CSMD3: variants seen among roughly 807,000 people sequenced by gnomAD.
CSMD3 encodes CUB and sushi domain-containing protein 3.
Under a neutral mutation model 435.2 loss-of-function variants are expected in CSMD3, and 177 were observed. The observed-to-expected ratio is 0.41, with a 90% CI of 0.36 to 0.46. The LOEUF (loss-of-function observed/expected upper bound fraction) is 0.46. Ranked by LOEUF, CSMD3 falls within the 20% of genes least tolerant of loss-of-function variation. CSMD3 has a pLI of 0.34. For synonymous variants in CSMD3, 1,656 were observed against 1,520.5 expected (o/e 1.09, Z -2.07); for missense variants, 4,265 against 4,504.6 (o/e 0.95, Z 1.52).
At chr8:112,464,286 C>G (rs1817740655) in intron 32 of CSMD3, among the ~76,000 whole-genome samples, 1 of 151,090 alleles carries the variant, frequency 6.6e-6, no homozygotes, top group Admixed American at 6.6e-5. Flanking sequence ...CTATCCAGGT[C>G]TCTGTTGTAA....
chr8:112,841,639 T>C (rs1348945075), intron 11 of CSMD3, among the ~76,000 whole-genome samples: 2 of 151,814 alleles, frequency 1.3e-5, no homozygotes, highest in African/African-American at 4.8e-5. Flanking sequence ...TCCCAGGTAA[T>C]GTCTAGCTAA....
At chr8:112,343,345 A>G (rs1330671821) in intron 41 of CSMD3, among the ~76,000 whole-genome samples, 1 of 152,068 alleles carries the variant, frequency 6.6e-6, no homozygotes, top group Non-Finnish European at 1.5e-5. Context: ...CATTTACATC[A>G]GTATTCTATC....
chr8:113,292,209 TG>T (rs1324493856), intron 2 of CSMD3, among the ~76,000 whole-genome samples: 7 of 151,626 alleles, frequency 4.6e-5, no homozygotes, highest in Admixed American at 4.6e-4. Flanking sequence ...TATTCTTACA[TG>T]GTGTGTAGTT....
intron 1 of CSMD3, among the ~76,000 whole-genome samples, chr8:113,415,454 G>A (rs902588797): frequency 7.2e-5 from 11 of 152,228 alleles, no homozygotes; most frequent in East Asian, 1.9e-4. Flanking sequence ...AGAAAAAAAC[G>A]CAAAGCAGAT....
intron 1 of CSMD3, among the ~76,000 whole-genome samples, chr8:113,343,781 T>C (rs1336167928): frequency 1.3e-5 from 2 of 152,060 alleles, no homozygotes; most frequent in Non-Finnish European, 2.9e-5. Flanking sequence ...TTAAAAATAA[T>C]TGCACTCAAG....
At chr8:112,506,592 G>T (rs1822546398) in intron 29 of CSMD3, 99 bp downstream of exon 29, 1 of 1,154,042 alleles carries the variant, frequency 8.7e-7, no homozygotes, top group Non-Finnish European at 1.3e-6. Context: ...AACAAAAAAT[G>T]CTATATACAG....
At chr8:113,019,009 T>G in intron 6 of CSMD3, 58 bp downstream of exon 6, 1 of 1,105,042 alleles carries the variant, frequency 9.0e-7, no homozygotes, top group South Asian at 1.2e-5. Flanking sequence ...AAAACATAGT[T>G]GTGTACACCA....
chr8:113,202,389 T>TA (rs2092724210), intron 3 of CSMD3, among the ~76,000 whole-genome samples: 1 of 152,132 alleles, frequency 6.6e-6, no homozygotes, highest in Non-Finnish European at 1.5e-5. Flanking sequence ...GAGCCTCTTT[T>TA]AAAAACTGAA....
intron 3 of CSMD3, among the ~76,000 whole-genome samples, chr8:113,268,452 GA>G (rs1383963040): frequency 3.3e-5 from 5 of 151,812 alleles, no homozygotes; most frequent in Non-Finnish European, 7.4e-5. Flanking sequence ...TAGAAATTCA[GA>G]AATTCAAGTG....
rs949922915 is a variant in CSMD3, at chr8:112,268,273, A to C, written c.9509-2683T>G. 2.0e-5 allele frequency among the ~76,000 whole-genome samples: 3 copies of C among 152,190 alleles called. 1 individual carries two copies. Among genetic ancestry groups the C allele is most frequent in the Admixed American group, 2.0e-4 (3 of 15,280 alleles). On this transcript the variant is annotated intron_variant, in intron 59 of 70. Coordinates refer to ENST00000297405, the MANE Select transcript of CSMD3 (RefSeq NM_198123.2). ...AAGTTGTCAGCTCAAATTCTCAAAA[A>C]CACATAAATTATTTGAAAGGTCTGA...
chr8:112,931,754 T>A (rs74464513), intron 9 of CSMD3, among the ~76,000 whole-genome samples: 5,138 of 152,008 alleles, frequency 0.034, 150 homozygotes, highest in Middle Eastern at 0.051. Flanking sequence ...TCAATAGCAA[T>A]AATATAAATA....
At chr8:112,900,013 T>A (rs2082068184) in intron 10 of CSMD3, among the ~76,000 whole-genome samples, 1 of 151,198 alleles carries the variant, frequency 6.6e-6, no homozygotes, top group Non-Finnish European at 1.5e-5. Context: ...TAATTCCTTT[T>A]CTCTCTATTT....
intron 1 of CSMD3, among the ~76,000 whole-genome samples, chr8:113,377,640 T>C (rs2094394338): frequency 6.6e-6 from 1 of 152,206 alleles, no homozygotes; most frequent in Non-Finnish European, 1.5e-5. Flanking sequence ...TATTTATTTT[T>C]ACAAACAATA....
intron 1 of CSMD3, among the ~76,000 whole-genome samples, chr8:113,352,279 G>T (rs533826824): frequency 6.6e-6 from 1 of 152,120 alleles, no homozygotes; most frequent in East Asian, 1.9e-4. Context: ...AACGGAAAAA[G>T]AGAAGACACA....
intron 9 of CSMD3, among the ~76,000 whole-genome samples, chr8:112,929,985 G>C (rs892722579): frequency 1.3e-5 from 2 of 152,034 alleles, no homozygotes; most frequent in African/African-American, 4.8e-5. Flanking sequence ...AGGAAAGAAA[G>C]TGGTTAAGAT....
At chr8:112,886,825 C>A (rs1215866547) in intron 10 of CSMD3, among the ~76,000 whole-genome samples, 2 of 151,492 alleles carry the variant, frequency 1.3e-5, no homozygotes, top group Non-Finnish European at 3.0e-5. Context: ...CTCTAGAATA[C>A]TTATATAATG....
In CSMD3 at chr8:113,055,963, G is replaced by A. The variant is rs114973781; in HGVS notation, c.918-36784C>T. On this transcript the variant is annotated intron_variant, in intron 5 of 70. Coordinates refer to ENST00000297405, the MANE Select transcript of CSMD3 (RefSeq NM_198123.2). ...AAAACTGTGACAGTTGGGTGAAGAG[G>A]ATAAGATGAGAGGGCAGCAGGACAC... 4.6e-3 allele frequency among the ~76,000 whole-genome samples: 697 copies of A among 152,306 alleles called. 5 individuals are homozygous for A. Among genetic ancestry groups the A allele is most frequent in the African/African-American group, 0.015 (612 of 41,580 alleles).
intron 22 of CSMD3, among the ~76,000 whole-genome samples, chr8:112,592,328 TG>T (rs1831262779): frequency 6.6e-6 from 1 of 152,020 alleles, no homozygotes; most frequent in Admixed American, 6.6e-5. Context: ...TTCTTTCTTT[TG>T]TTCTTCTTAG....
rs544922753 is a variant in CSMD3 at position 112,954,665 on chromosome 8, A to G, written c.1420+19T>C. ...TCACTCTTGCACTAGAGAAAGTAAC[A>G]AAAAAGAAGTACACTCACAGATAGA... On this transcript the variant is annotated intron_variant, in intron 8 of 70. Coordinates refer to ENST00000297405, the MANE Select transcript of CSMD3 (RefSeq NM_198123.2). 5.9e-6 allele frequency: 9 copies of G among 1,534,026 alleles called. No individual in the cohort carries two copies. In the South Asian group the frequency reaches 9.0e-5, roughly 15 times the overall value.
Sources: gnomAD v4.1 joint callset for allele counts (sites outside exome capture counted in the v4.1 genomes callset) on GRCh38, gnomAD v4.1.1 for gene constraint, MANE v1.5 for transcripts, NCBI Gene and HGNC (gene_info 2026-07-23, HGNC 2026-07-21) for gene names.